CNTN2: variants seen among roughly 807,000 people sequenced by gnomAD.
The protein encoded by CNTN2 is contactin 2, also known as contactin-2.
In CNTN2, 53 loss-of-function variants were observed where a neutral mutation model predicts 117.5. The ratio of observed to expected loss-of-function variants is 0.45; its 90% CI spans 0.36 to 0.57. CNTN2 has a LOEUF of 0.57. Ranked by LOEUF, CNTN2 falls within the 20% of genes least tolerant of loss-of-function variation. The pLI is 0.00. For missense variants in CNTN2, 1,106 were observed against 1,404.3 expected (o/e 0.79, Z 3.39); for synonymous variants, 530 against 561.7 (o/e 0.94, Z 0.80).
In CNTN2 at chr1:205,059,643, T is replaced by A; in HGVS notation, c.758T>A (p.Val253Glu). 6.2e-7 allele frequency: 1 copy of A among 1,613,990 alleles called. No individual in the cohort carries two copies. The highest frequency in any genetic ancestry group is 8.5e-7 in the Non-Finnish European group (1 of 1,179,978). ...ARFPAETYAL[V>E]GQQVTLECFA... The stretch of plus-strand genomic sequence containing the variant: ...TTCCCAGCAGAGACCTATGCACTGG[T>A]GGGGCAGCAGGTCACCCTGGAGTGC... Residue 253 changes from valine (V) to glutamate (E), a missense_variant, in exon 7 of 23, where the codon GTG becomes GAG. Transcript: ENST00000331830. The surrounding 1 kb of genome is among the most constrained non-coding windows in gnomAD (Gnocchi z 5.6).
At chr1:205,070,846 A>C in intron 19 of CNTN2, 1 of 187,438 alleles carries the variant, frequency 5.3e-6, no homozygotes, top group Non-Finnish European at 1.1e-5. Flanking sequence ...AAATACAAAA[A>C]TTAGCTGGGC....
At chr1:205,063,787 T>C (rs1209770844) in intron 10 of CNTN2, among the ~76,000 whole-genome samples, 1 of 151,984 alleles carries the variant, frequency 6.6e-6, no homozygotes, top group Non-Finnish European at 1.5e-5. Flanking sequence ...ATTTAGACTG[T>C]GACCTGAATG....
chr1:205,067,020 G>T (rs1654327710), intron 15 of CNTN2, 81 bp from the exon 16 acceptor site: 2 of 1,506,646 alleles, frequency 1.3e-6, no homozygotes, highest in African/African-American at 1.4e-5. Context: ...GGTAGATAAG[G>T]GGTGATTCAG....
rs574134310 is a variant in CNTN2 at position 205,072,527 on chromosome 1, T to C, written c.2776T>C (p.Ser926Pro). Residue 926 changes from serine (S) to proline (P), a missense_variant, in exon 21 of 23, where the codon TCT becomes CCT. Transcript: ENST00000331830. ...CAACATCTCCTGGACTTTCTCAAGC[T>C]CTAGTCTTAGCATTAAGTGGGACCC... ...PGNISWTFSS[S>P]SLSIKWDPVV... is the part of the protein sequence containing the mutation. 6.2e-7 allele frequency: 1 copy of C among 1,614,184 alleles called. No homozygotes were observed. Among genetic ancestry groups the C allele is most frequent in the South Asian group, 1.1e-5 (1 of 91,086 alleles).
In CNTN2 at chr1:205,061,626, C is replaced by T; in HGVS notation, c.973+206C>T. ...GAGCTTCAGTCAGGGGTGCAGAAAG[C>T]ACACAGGAGGCTCCAGAATGATTTA... On this transcript the variant is annotated intron_variant, in intron 8 of 22. Coordinates refer to ENST00000331830, the MANE Select transcript of CNTN2 (RefSeq NM_005076.5). This position sits in a 1 kb window ranked among gnomAD's most constrained non-coding sequence, Gnocchi z 4.8. 1.3e-6 allele frequency: 1 copy of T among 760,462 alleles called. No homozygotes were observed. The highest frequency in any genetic ancestry group is 2.0e-6 in the Non-Finnish European group (1 of 494,152). 47.1% of individuals were successfully genotyped at this position (760,462 alleles called of 1,614,324 possible).
rs199754069 is a variant in CNTN2, at chr1:205,059,700, G to A, written c.797+18G>A. 9.4e-6 allele frequency: 15 copies of A among 1,599,588 alleles called. 1 individual carries two copies. The highest frequency in any genetic ancestry group is 1.3e-5 in the African/African-American group (1 of 74,690). On this transcript the variant is annotated intron_variant, in intron 7 of 22. Transcript: ENST00000331830. The surrounding 1 kb of genome is among the most constrained non-coding windows in gnomAD (Gnocchi z 5.6). ...TTTGGGAAGTGAGTGTGAAGAGGGAGGGGAAGCAGAGCACGGTCTCTCGGG... is the reference window on the plus strand; with the variant it reads ...TTTGGGAAGTGAGTGTGAAGAGGGAAGGGAAGCAGAGCACGGTCTCTCGGG...
Position 205,064,391 on chromosome 1 carries a change from T to G in CNTN2, c.1310T>G (p.Leu437Arg). 1.9e-6 allele frequency: 3 copies of G among 1,612,462 alleles called. No individual in the cohort carries two copies. Among genetic ancestry groups the G allele is most frequent in the Non-Finnish European group, 8.5e-7 (1 of 1,178,652 alleles). The change falls in exon 11 of 23, where the codon CTT becomes CGT. Residue 437 changes from leucine (L) to arginine (R), a missense_variant. Transcript: ENST00000331830. ...CCCGCGGCCCGCGGGGGAGAGATCC[T>G]TATCCCCTGCCAGCCCCGGGCAGCT... is the stretch of plus-strand genomic sequence containing the variant. ...LIPAARGGEI[L>R]IPCQPRAAPK...
Position 205,054,654 on chromosome 1 carries a change from G to A in CNTN2, c.70+1399G>A, listed in dbSNP as rs1204825272. Among the ~76,000 whole-genome samples the A allele has an allele frequency of 4.6e-5, 7 of 152,204 alleles. No homozygotes were observed. In the East Asian group the frequency reaches 1.3e-3, roughly 29 times the overall value. On this transcript the variant is annotated intron_variant, in intron 2 of 22. Coordinates refer to ENST00000331830, the MANE Select transcript of CNTN2 (RefSeq NM_005076.5). ...AGACACATGAAGCCAATGACCAAGG[G>A]GCTGGGATCTGGTCTGCCACCTCCC...
At chr1:205,066,685 T>A in intron 15 of CNTN2, 86 bp downstream of exon 15, 1 of 1,489,264 alleles carries the variant, frequency 6.7e-7, no homozygotes, top group South Asian at 1.3e-5. Flanking sequence ...GGGATCGGGG[T>A]CTGAGGGCCA....
At position 205,065,408 on chromosome 1, in the gene CNTN2, T is replaced by C. The variant is rs1654229590; in HGVS notation, c.1695+146T>C. The C allele has an allele frequency of 1.2e-6, 1 of 857,696 alleles. No individual in the cohort carries two copies. Among genetic ancestry groups the C allele is most frequent in the African/African-American group, 1.7e-5 (1 of 59,020 alleles). The allele number at this position is 857,696 out of a possible 1,614,324, so 53.1% of individuals were successfully genotyped here. The stretch of plus-strand genomic sequence containing the variant: ...AGGCCCACACATGGCAAGCTCATCC[T>C]TGGATGAACAGCTGACCTTCCTGGA... On this transcript the variant is annotated intron_variant, in intron 13 of 22. Transcript: ENST00000331830. The surrounding 1 kb of genome is among the most constrained non-coding windows in gnomAD (Gnocchi z 4.1).
At chr1:205,064,778 G>T (rs201949477) in intron 12 of CNTN2, 28 bp downstream of exon 12, 4 of 1,612,126 alleles carry the variant, frequency 2.5e-6, no homozygotes, top group East Asian at 2.2e-5. Flanking sequence ...GGTAGGCCGG[G>T]GGCTCAGCCT....
At position 205,076,980 on chromosome 1, in the gene CNTN2, A is replaced by C. The variant is rs1265492667; in HGVS notation, c.*3215A>C. On this transcript the variant is annotated 3_prime_UTR_variant, in exon 23 of 23. Transcript: ENST00000331830. ...AAAAACCTCTGGAATGACCTTCCTC[A>C]TTCCAGGAGGCCCTGGAATAAGGAA... 6.6e-6 allele frequency: 1 copy of C among 152,214 alleles called. No homozygotes were observed. Among genetic ancestry groups the C allele is most frequent in the Non-Finnish European group, 1.5e-5 (1 of 68,034 alleles). The allele number at this position is 152,214 out of a possible 1,614,324, so 9.4% of individuals were successfully genotyped here. A position where few individuals can be genotyped will look rare whatever the true frequency, so the allele number is the denominator to read the frequency against.
intron 1 of CNTN2, among the ~76,000 whole-genome samples, chr1:205,049,049 G>A (rs1428959785): frequency 6.6e-6 from 1 of 151,736 alleles, no homozygotes; most frequent in East Asian, 1.9e-4. Context: ...AACCCCAGGT[G>A]CTCCTGGATC....
At chr1:205,053,575 A>G (rs1022017789) in intron 2 of CNTN2, among the ~76,000 whole-genome samples, 3 of 152,208 alleles carry the variant, frequency 2.0e-5, no homozygotes, top group African/African-American at 7.2e-5. Flanking sequence ...GTAGCCTCAA[A>G]GGCTGCACTG....
At chr1:205,071,591 CT>C (rs1332290638) in intron 19 of CNTN2, among the ~76,000 whole-genome samples, 1 of 152,216 alleles carries the variant, frequency 6.6e-6, no homozygotes, top group Admixed American at 6.5e-5. Context: ...CAGGGGACTA[CT>C]TTGCAATACA....
Position 205,074,835 on chromosome 1 carries a change from T to C in CNTN2, c.*1070T>C. On this transcript the variant is annotated 3_prime_UTR_variant, in exon 23 of 23. Transcript: ENST00000331830. ...GTTTCTGGGAAGGGCAGAGGATAAA[T>C]GTGGCCCTGCCTGCTCCCAGGTATA... 5.0e-6 allele frequency: 2 copies of C among 398,566 alleles called. No individual in the cohort carries two copies. Among genetic ancestry groups the C allele is most frequent in the Non-Finnish European group, 8.8e-6 (2 of 226,070 alleles). 24.7% of individuals were successfully genotyped at this position (398,566 alleles called of 1,614,324 possible). A position where few individuals can be genotyped will look rare whatever the true frequency, so the allele number is the denominator to read the frequency against.
intron 2 of CNTN2, among the ~76,000 whole-genome samples, chr1:205,055,335 G>A (rs1233842531): frequency 6.6e-6 from 1 of 152,186 alleles, no homozygotes; most frequent in East Asian, 1.9e-4. Flanking sequence ...GCACACACAC[G>A]GGGAGGCTCA....
rs544601676 is a variant in CNTN2, at chr1:205,065,343, A to G, written c.1695+81A>G. The stretch of plus-strand genomic sequence containing the variant: ...CCCCAAGATGTCCTTAGCCATCCTC[A>G]CCTTTAAGAAACCCATAGCCTAAGC... On this transcript the variant is annotated intron_variant, in intron 13 of 22. Coordinates refer to ENST00000331830, the MANE Select transcript of CNTN2 (RefSeq NM_005076.5). This position sits in a 1 kb window ranked among gnomAD's most constrained non-coding sequence, Gnocchi z 4.1. The G allele has an allele frequency of 1.4e-6, 2 of 1,475,398 alleles. No individual in the cohort carries two copies. Among genetic ancestry groups the G allele is most frequent in the Admixed American group, 1.9e-5 (1 of 52,156 alleles). 91.4% of individuals were successfully genotyped at this position (1,475,398 alleles called of 1,614,324 possible). A position where few individuals can be genotyped will look rare whatever the true frequency, so the allele number is the denominator to read the frequency against.
At chr1:205,052,529 G>A (rs2096454634) in intron 1 of CNTN2, among the ~76,000 whole-genome samples, 1 of 152,182 alleles carries the variant, frequency 6.6e-6, no homozygotes, top group East Asian at 1.9e-4. Flanking sequence ...CATTGCTAAT[G>A]GGGCCAAGGT....
Sources: allele counts gnomAD v4.1 joint callset (sites outside exome capture counted in the v4.1 genomes callset), GRCh38; gene constraint gnomAD v4.1.1; non-coding constraint Gnocchi (gnomAD v3.1); transcripts MANE v1.5; gene names NCBI Gene and HGNC (gene_info 2026-07-23, HGNC 2026-07-21).